The following PDGFA variants were observed in gnomAD, a reference collection of about 807,000 sequenced individuals.
The protein encoded by PDGFA is platelet-derived growth factor subunit A.
PDGFA carries 9 observed loss-of-function variants against 25.6 expected under a neutral mutation model. That is an observed-to-expected ratio of 0.35 (90% CI 0.21 to 0.61). The LOEUF is 0.61. Ranked by LOEUF, PDGFA falls within the 20% of genes least tolerant of loss-of-function variation. The probability of loss-of-function intolerance (pLI) is 0.75; values close to 1 mark genes in which losing one functional copy is unlikely to be tolerated. For missense variants in PDGFA, 242 were observed against 272.8 expected (o/e 0.89, Z 0.79); for synonymous variants, 133 against 111.8 (o/e 1.19, Z -1.20).
rs1266700947 is a variant in PDGFA at position 498,600 on chromosome 7, A to G, written c.581-26T>C. 4 of 1,608,986 alleles carry G rather than the reference A, an allele frequency of 2.5e-6. 1 individual carries two copies. The South Asian group carries it at 4.5e-5, about 18-fold the overall frequency. On this transcript the variant is annotated intron_variant, in intron 5 of 5. Transcript: ENST00000402802. ...CTGCAGGGAGAAGGGAAAGACAGAC[A>G]CTGAGACCACCGACCAAGTGAACCA...
Position 516,661 on chromosome 7 carries a change from ACCCACCCGTGGTCCACCGGGGT to A in PDGFA, c.160+711_160+732del, listed in dbSNP as rs1583160437. 2.3e-5 allele frequency among the ~76,000 whole-genome samples: 3 copies of A among 129,952 alleles called. No homozygotes were observed. In the East Asian group the frequency reaches 7.5e-4, roughly 33 times the overall value. 85.3% of individuals were successfully genotyped at this position (129,952 alleles called of 152,430 possible). On this transcript the variant is annotated intron_variant, in intron 2 of 5. Transcript: ENST00000402802. The stretch of plus-strand genomic sequence containing the variant: ...GCCACCCTACACCCTCGCCCCTCCC[ACCCACCCGTGGTCCACCGGGGT>A]CCCCCGGGGTGAGAGGCCCCTTTAA...
At chr7:511,455 A>G (rs2128401293) in intron 3 of PDGFA, among the ~76,000 whole-genome samples, 1 of 144,018 alleles carries the variant, frequency 6.9e-6, no homozygotes, top group South Asian at 2.3e-4. Context: ...AGTGAATCCT[A>G]CAGCACTTGC....
chr7:499,709 T>C (rs1422197370), intron 5 of PDGFA, among the ~76,000 whole-genome samples: 3 of 90,002 alleles, frequency 3.3e-5, no homozygotes, highest in Non-Finnish European at 6.7e-5. Context: ...CTAAGGGTGT[T>C]ATTTTGCCCT....
At chr7:511,634 G>A (rs902644730) in intron 3 of PDGFA, among the ~76,000 whole-genome samples, 1 of 152,156 alleles carries the variant, frequency 6.6e-6, no homozygotes, top group African/African-American at 2.4e-5. Flanking sequence ...ACAGCTCAGA[G>A]AGGGGGGTCC....
chr7:498,522 G>A lies in PDGFA; in HGVS notation c.*42C>T, dbSNP rs138218915. On this transcript the variant is annotated 3_prime_UTR_variant, in exon 6 of 6. Coordinates refer to ENST00000402802, the Ensembl canonical transcript of PDGFA. Reference sequence around the variant, plus strand: ...CATAGTAGGTTCAGGAATGTAACACGCCATGTACATCCATGTCCCAGGAAA... The same window carrying A: ...CATAGTAGGTTCAGGAATGTAACACACCATGTACATCCATGTCCCAGGAAA... The A allele has an allele frequency of 9.4e-5, 150 of 1,591,932 alleles. No homozygotes were observed. The African/African-American group carries it at 1.3e-3, about 14-fold the overall frequency.
At chr7:520,229 C>T (rs1234983678), upstream of PDGFA, 4 of 217,168 alleles carry the variant, frequency 1.8e-5, no homozygotes, top group South Asian at 4.4e-5. Flanking sequence ...CAGCGGGCAG[C>T]GCCCAGAGCT....
At chr7:498,680 A>G (rs1782199852) in intron 5 of PDGFA, 106 bp from the exon 6 acceptor site, 1 of 1,034,810 alleles carries the variant, frequency 9.7e-7, no homozygotes, top group Non-Finnish European at 1.5e-6. Context: ...ATTTAACCCA[A>G]TCAGGGGCAC....
Position 517,369 on chromosome 7 carries a change from C to T in PDGFA, c.160+25G>A. On this transcript the variant is annotated intron_variant, in intron 2 of 5. Transcript: ENST00000402802. This position sits in a 1 kb window ranked among gnomAD's most constrained non-coding sequence, Gnocchi z 7.4. ...GCCGCCCGCCCGCGCCCTCCCCGCG[C>T]GCGGAGGGAAGGGGCGCGATTTACC... is the stretch of plus-strand genomic sequence containing the variant. The T allele has an allele frequency of 8.1e-7, 1 of 1,236,268 alleles. No individual in the cohort carries two copies. The highest frequency in any genetic ancestry group is 1.1e-6 in the Non-Finnish European group (1 of 939,882). The allele number at this position is 1,236,268 out of a possible 1,614,324, so 76.6% of individuals were successfully genotyped here.
intron 1 of PDGFA, among the ~76,000 whole-genome samples, chr7:518,679 T>C (rs1255885542): frequency 1.3e-5 from 2 of 149,646 alleles, no homozygotes; most frequent in South Asian, 2.1e-4. Context: ...GAGAGGACAC[T>C]GCGCCCCCCG....
intron 4 of PDGFA, among the ~76,000 whole-genome samples, chr7:506,174 T>TAAAAAAAA (rs1782556546): frequency 6.7e-5 from 3 of 45,062 alleles, no homozygotes. Flanking sequence ...AGACTCTGTC[T>TAAAAAAAA]CAAAAAAAAA....
chr7:501,331 G>C, intron 4 of PDGFA, 89 bp from the exon 5 acceptor site: 1 of 1,539,754 alleles, frequency 6.5e-7, no homozygotes, highest in Non-Finnish European at 8.9e-7. Flanking sequence ...GGCTGAGAGG[G>C]AGGAGAGAGC....
At chr7:514,403 G>A (rs1782994645) in intron 2 of PDGFA, among the ~76,000 whole-genome samples, 2 of 152,180 alleles carry the variant, frequency 1.3e-5, no homozygotes, top group South Asian at 2.1e-4. Context: ...GGGACAGAGG[G>A]GGAATAGCTC....
chr7:516,643 T>TAC (rs1423062976), intron 2 of PDGFA, among the ~76,000 whole-genome samples: 1 of 152,114 alleles, frequency 6.6e-6, no homozygotes, highest in Admixed American at 6.5e-5. Flanking sequence ...GCGGCCACCC[T>TAC]ACACCCTCGC....
Position 502,403 on chromosome 7 carries a change from C to T in PDGFA, c.454-1161G>A, listed in dbSNP as rs113548400. 6.3e-3 allele frequency among the ~76,000 whole-genome samples: 957 copies of T among 152,230 alleles called. 7 individuals are homozygous for T. Among genetic ancestry groups the T allele is most frequent in the African/African-American group, 0.021 (880 of 41,524 alleles). On this transcript the variant is annotated intron_variant, in intron 4 of 5. Coordinates refer to ENST00000402802, the Ensembl canonical transcript of PDGFA. ...GGCCAGCAGACCCATACCCAGGGTC[C>T]CCTCATGGCTCCCCCAGGTCCGAGG...
chr7:514,347 C>T (rs28473206), intron 2 of PDGFA, among the ~76,000 whole-genome samples: 39,603 of 152,144 alleles, frequency 0.26, 5,930 homozygotes, highest in Middle Eastern at 0.39. Context: ...GCCGTGCTAG[C>T]TCATTGACCC....
intron 4 of PDGFA, among the ~76,000 whole-genome samples, chr7:507,248 A>G (rs77431568): frequency 0.11 from 17,205 of 152,252 alleles, 1,061 homozygotes; most frequent in South Asian, 0.16. Context: ...GGGAACATGA[A>G]GGGGGCCTGG....
intron 4 of PDGFA, among the ~76,000 whole-genome samples, chr7:504,758 C>T (rs756085729): frequency 6.6e-6 from 1 of 152,244 alleles, no homozygotes; most frequent in Non-Finnish European, 1.5e-5. Context: ...AACAAGCAGC[C>T]TCACCTAGTT....
At chr7:511,943 T>C (rs1241410228) in intron 3 of PDGFA, among the ~76,000 whole-genome samples, 1 of 152,134 alleles carries the variant, frequency 6.6e-6, no homozygotes, top group African/African-American at 2.4e-5. Context: ...CCCCACCAGT[T>C]CAGCAGCCGG....
upstream of PDGFA, among the ~76,000 whole-genome samples, chr7:519,608 C>T (rs2128409568): frequency 6.9e-6 from 1 of 145,600 alleles, no homozygotes; most frequent in East Asian, 2.0e-4. Flanking sequence ...CGCGGCGCGC[C>T]CTCGGCTCCG....
Sources: allele counts gnomAD v4.1 joint callset (sites outside exome capture counted in the v4.1 genomes callset), GRCh38; gene constraint gnomAD v4.1.1; non-coding constraint Gnocchi (gnomAD v3.1); transcripts MANE v1.5; gene names NCBI Gene and HGNC (gene_info 2026-07-23, HGNC 2026-07-21).